RGPD4: variants seen among roughly 807,000 people sequenced by gnomAD.
RGPD4 encodes the protein RANBP2 like and GRIP domain containing 4.
A neutral mutation model predicts 141.1 loss-of-function variants in RGPD4; 84 were observed. The ratio of observed to expected loss-of-function variants is 0.60; its 90% CI spans 0.50 to 0.71. The LOEUF is 0.71. Among genes scored for constraint, RGPD4 ranks in the 30% least tolerant of loss-of-function variants. The pLI is 0.00. For synonymous variants in RGPD4, 298 were observed against 566.8 expected, an observed-to-expected ratio of 0.53 and a Z score of 6.74; for missense variants, 918 against 1,622.4, an observed-to-expected ratio of 0.57 and a Z score of 7.46.
chr2:107,871,876 G>T lies in RGPD4; in HGVS notation c.3872G>T (p.Gly1291Val). The change falls in exon 20 of 23, where the codon GGA (glycine) becomes GTA (valine). Residue 1291 changes from glycine to valine, a missense_variant. Physicochemically the swap from Gly to Val is moderately radical, Grantham distance 109. Coordinates refer to ENST00000408999, the MANE Select transcript of RGPD4 (RefSeq NM_182588.3). ...NLFHFGESTT[G>V]SNFSFKSALS... is the part of the protein sequence containing the mutation. Reference sequence around the variant, plus strand: ...TTCCATTTTGGTGAGTCAACAACAGGATCTAACTTCAGTTTTAAATCTGCT... The same window carrying T: ...TTCCATTTTGGTGAGTCAACAACAGTATCTAACTTCAGTTTTAAATCTGCT... 6.2e-7 allele frequency: 1 copy of T among 1,611,626 alleles called. No homozygotes were observed. Among genetic ancestry groups the T allele is most frequent in the Non-Finnish European group, 8.5e-7 (1 of 1,179,866 alleles).
chr2:107,878,401 A>G (rs1367268736), intron 20 of RGPD4, among the ~76,000 whole-genome samples: 3 of 146,556 alleles, frequency 2.0e-5, no homozygotes, highest in African/African-American at 7.4e-5. Flanking sequence ...AAGGCATGGG[A>G]CAACTGATAC....
chr2:107,877,834 A>G (rs921600778), intron 20 of RGPD4, among the ~76,000 whole-genome samples: 11 of 151,600 alleles, frequency 7.3e-5, no homozygotes, highest in African/African-American at 2.7e-4. Flanking sequence ...TTTTGTTTTG[A>G]GCTGGAATCT....
In RGPD4 at chr2:107,854,745, A is replaced by G. The variant is rs1474063588; in HGVS notation, c.1066+102A>G. 18 of 1,526,008 alleles carry G rather than the reference A, an allele frequency of 1.2e-5. No homozygotes were observed. In the African/African-American group the frequency reaches 1.4e-4, roughly 12 times the overall value. 94.5% of individuals were successfully genotyped at this position (1,526,008 alleles called of 1,614,324 possible). ...CCATCTGTCCAGGAGATAATTTGTC[A>G]AAATTATTTCTTTTCGCCGTATCAG... is the stretch of plus-strand genomic sequence containing the variant. On this transcript the variant is annotated intron_variant, in intron 8 of 22. Coordinates refer to ENST00000408999, the MANE Select transcript of RGPD4 (RefSeq NM_182588.3).
At chr2:107,827,167 GGC>G (rs1456977088) in intron 1 of RGPD4, 82 bp downstream of exon 1, 1 of 480,160 alleles carries the variant, frequency 2.1e-6, no homozygotes, top group African/African-American at 3.7e-5. Context: ...CGGCCTCGAT[GGC>G]TCAGGCGTCA....
At position 107,872,521 on chromosome 2, in the gene RGPD4, A is replaced by G. The variant is rs1325846274; in HGVS notation, c.4517A>G (p.Asp1506Gly). The G allele has an allele frequency of 3.2e-6, 5 of 1,557,524 alleles. No individual in the cohort carries two copies. Among genetic ancestry groups the G allele is most frequent in the East Asian group, 2.3e-5 (1 of 43,976 alleles). Residue 1506 changes from aspartate (D) to glycine (G), a missense_variant, in exon 20 of 23, where the codon GAT becomes GGT. Coordinates refer to ENST00000408999, the MANE Select transcript of RGPD4 (RefSeq NM_182588.3). ...VLEETTRERT[D>G]VIQGDDVADA... is the part of the protein sequence containing the mutation. Reference sequence around the variant, plus strand: ...GAAGAAACCACAAGAGAGAGGACAGATGTTATTCAGGGTGATGATGTAGCA... The same window carrying G: ...GAAGAAACCACAAGAGAGAGGACAGGTGTTATTCAGGGTGATGATGTAGCA...
intron 1 of RGPD4, among the ~76,000 whole-genome samples, chr2:107,830,679 C>G (rs1327494230): frequency 7.9e-5 from 12 of 151,924 alleles, no homozygotes; most frequent in Admixed American, 7.2e-4. Flanking sequence ...AAACAGGGTG[C>G]TTTGGATAGA....
At chr2:107,876,811 C>G (rs1240174973) in intron 20 of RGPD4, among the ~76,000 whole-genome samples, 2 of 151,976 alleles carry the variant, frequency 1.3e-5, no homozygotes, top group Admixed American at 6.5e-5. Context: ...TCAGCCAGGG[C>G]AAAGGTCGCA....
At chr2:107,831,199 A>T (rs190678454) in intron 1 of RGPD4, among the ~76,000 whole-genome samples, 42 of 141,974 alleles carry the variant, frequency 3.0e-4, no homozygotes, top group East Asian at 2.4e-3. Context: ...AAAGAAAAAA[A>T]ATATATAATT....
intron 1 of RGPD4, 126 bp from the exon 2 acceptor site, chr2:107,836,476 A>C (rs1321878706): frequency 2.9e-6 from 3 of 1,041,228 alleles, no homozygotes; most frequent in East Asian, 5.8e-5. Flanking sequence ...AGGCTTTAAA[A>C]AAAATTTTTA....
At chr2:107,865,897 G>A (rs1017583863) in intron 17 of RGPD4, among the ~76,000 whole-genome samples, 9 of 142,662 alleles carry the variant, frequency 6.3e-5, no homozygotes, top group Admixed American at 3.5e-4. Context: ...TGGTGAAACC[G>A]CATCTCTACT....
At chr2:107,881,917 G>A (rs1675377227) in intron 21 of RGPD4, among the ~76,000 whole-genome samples, 1 of 151,720 alleles carries the variant, frequency 6.6e-6, no homozygotes, top group South Asian at 2.1e-4. Flanking sequence ...GTTCACTGTG[G>A]ACGTCTTAAC....
intron 20 of RGPD4, among the ~76,000 whole-genome samples, chr2:107,874,283 A>G (rs1683026290): frequency 6.6e-6 from 1 of 151,238 alleles, no homozygotes; most frequent in South Asian, 2.1e-4. Flanking sequence ...GTTGTATTTG[A>G]AAATGGACCC....
chr2:107,844,793 A>C (rs1465573823), intron 6 of RGPD4, among the ~76,000 whole-genome samples: 11 of 71,852 alleles, frequency 1.5e-4, no homozygotes, highest in African/African-American at 5.7e-4. Flanking sequence ...AGATGTTTGT[A>C]TGTGGGTTCC....
chr2:107,854,798 C>T lies in RGPD4; in HGVS notation c.1066+155C>T, dbSNP rs528899642. On this transcript the variant is annotated intron_variant, in intron 8 of 22. Coordinates refer to ENST00000408999, the MANE Select transcript of RGPD4 (RefSeq NM_182588.3). ...AAGAGCAATAGGTATGGAAGAGATG[C>T]GAAGAAATAGCACATTCTTTTAAAA... Among the ~76,000 whole-genome samples the T allele has an allele frequency of 1.5e-4, 23 of 151,988 alleles. 1 individual carries two copies. The highest frequency in any genetic ancestry group is 3.3e-4 in the Admixed American group (5 of 15,184).
At chr2:107,845,080 C>T (rs954141977) in intron 6 of RGPD4, among the ~76,000 whole-genome samples, 11 of 145,740 alleles carry the variant, frequency 7.5e-5, no homozygotes, top group South Asian at 2.2e-4. Flanking sequence ...GTCTTGCTCT[C>T]GCCAGGTTGG....
At chr2:107,827,706 G>C (rs865856940) in intron 1 of RGPD4, among the ~76,000 whole-genome samples, 542 of 43,636 alleles carry the variant, frequency 0.012, 142 homozygotes, top group Non-Finnish European at 0.02. Flanking sequence ...GCGGCGGCCT[G>C]GACCTGGCCC....
intron 20 of RGPD4, among the ~76,000 whole-genome samples, chr2:107,873,600 A>C (rs1231085026): frequency 7.3e-6 from 1 of 137,768 alleles, no homozygotes; most frequent in East Asian, 2.2e-4. Context: ...AAAAAAAAAA[A>C]TATGATATTG....
chr2:107,830,001 T>A (rs1681421000), intron 1 of RGPD4, among the ~76,000 whole-genome samples: 1 of 152,008 alleles, frequency 6.6e-6, no homozygotes, highest in East Asian at 1.9e-4. Flanking sequence ...AAGGTAGGCA[T>A]CTCAGCGCGG....
chr2:107,861,481 G>T, intron 14 of RGPD4, 113 bp from the exon 15 acceptor site: 1 of 564,442 alleles, frequency 1.8e-6, no homozygotes, highest in Non-Finnish European at 3.2e-6. Context: ...AGCGATTCTT[G>T]TGCCTCAGCT....
Sources: allele counts gnomAD v4.1 joint callset (sites outside exome capture counted in the v4.1 genomes callset), GRCh38; gene constraint gnomAD v4.1.1; transcripts MANE v1.5; gene names NCBI Gene and HGNC (gene_info 2026-07-23, HGNC 2026-07-21).